The following PLAA variants were observed in gnomAD, a reference collection of about 807,000 sequenced individuals.
PLAA encodes phospholipase A-2-activating protein.
Under a neutral mutation model 84.1 loss-of-function variants are expected in PLAA, and 48 were observed. The observed-to-expected ratio is 0.57, with a 90% CI of 0.45 to 0.73. The LOEUF (loss-of-function observed/expected upper bound fraction) is 0.73, where lower values mean the gene tolerates loss of function less well. Ranked by LOEUF, PLAA falls within the 30% of genes least tolerant of loss-of-function variation. The pLI, the probability that PLAA is intolerant of heterozygous loss-of-function variation, is 0.00. For missense variants in PLAA, 903 were observed against 954.7 expected (o/e 0.95, Z 0.71); for synonymous variants, 392 against 336.6 (o/e 1.16, Z -1.80).
chr9:26,914,158 ATATAT>A (rs1259134106), intron 10 of PLAA, among the ~76,000 whole-genome samples: 17 of 152,206 alleles, frequency 1.1e-4, no homozygotes, highest in South Asian at 4.1e-4. Context: ...TACATGCCTT[ATATAT>A]TATAATTGTA....
At chr9:26,939,349 C>T (rs751343838) in intron 1 of PLAA, among the ~76,000 whole-genome samples, 10 of 151,922 alleles carry the variant, frequency 6.6e-5, no homozygotes, top group Non-Finnish European at 1.2e-4. Context: ...GATTGCGCCA[C>T]TGCACTCCAG....
intron 1 of PLAA, among the ~76,000 whole-genome samples, chr9:26,945,982 G>A (rs1825691761): frequency 6.6e-6 from 1 of 152,040 alleles, no homozygotes; most frequent in East Asian, 1.9e-4. Context: ...TTCCCCATCA[G>A]ACTGTAAGAA....
At chr9:26,939,543 A>AATG (rs1346956915) in intron 1 of PLAA, among the ~76,000 whole-genome samples, 1 of 151,730 alleles carries the variant, frequency 6.6e-6, no homozygotes, top group East Asian at 1.9e-4. Context: ...CAGACAGCAA[A>AATG]ATGGCATCGG....
intron 7 of PLAA, among the ~76,000 whole-genome samples, chr9:26,920,876 C>T (rs1824735877): frequency 6.6e-6 from 1 of 152,172 alleles, no homozygotes; most frequent in African/African-American, 2.4e-5. Context: ...AAGCCACCAT[C>T]ATTTCTCAGT....
chr9:26,920,162 A>G (rs1002366785), intron 8 of PLAA, 65 bp downstream of exon 8: 46 of 1,394,022 alleles, frequency 3.3e-5, no homozygotes, highest in Non-Finnish European at 3.3e-5. Flanking sequence ...ACTATGGGGC[A>G]AAGGAAACCT....
At chr9:26,924,876 T>G (rs963479567) in intron 6 of PLAA, among the ~76,000 whole-genome samples, 1 of 152,232 alleles carries the variant, frequency 6.6e-6, no homozygotes, top group African/African-American at 2.4e-5. Flanking sequence ...GCCTCAGTTC[T>G]TATACTAAGC....
At chr9:26,945,499 T>C (rs773639426) in intron 1 of PLAA, among the ~76,000 whole-genome samples, 1 of 152,210 alleles carries the variant, frequency 6.6e-6, no homozygotes, top group African/African-American at 2.4e-5. Flanking sequence ...AATACAGGAA[T>C]TTGCTCTATA....
At chr9:26,931,678 T>C (rs117474717) in intron 2 of PLAA, among the ~76,000 whole-genome samples, 2,294 of 152,072 alleles carry the variant, frequency 0.015, 20 homozygotes, top group Non-Finnish European at 0.022. Context: ...AAAACTGAGA[T>C]TGTGGGAAAT....
At chr9:26,906,626 T>C (rs1021974770) in intron 13 of PLAA, among the ~76,000 whole-genome samples, 2 of 151,948 alleles carry the variant, frequency 1.3e-5, no homozygotes, top group African/African-American at 4.8e-5. Flanking sequence ...CGAGGTTTCA[T>C]CATATTGGTC....
At chr9:26,941,169 A>C (rs201014811) in intron 1 of PLAA, among the ~76,000 whole-genome samples, 22 of 144,810 alleles carry the variant, frequency 1.5e-4, no homozygotes, top group African/African-American at 3.1e-4. Flanking sequence ...AAAAAAAAAC[A>C]AAAACAAAAC....
At chr9:26,925,290 G>A (rs112569021) in intron 6 of PLAA, among the ~76,000 whole-genome samples, 11,121 of 152,136 alleles carry the variant, frequency 0.073, 577 homozygotes, top group African/African-American at 0.15. Context: ...TTCAACCCCA[G>A]GCAATGAATC....
At chr9:26,920,931 A>G (rs1824738984) in intron 7 of PLAA, among the ~76,000 whole-genome samples, 1 of 152,086 alleles carries the variant, frequency 6.6e-6, no homozygotes, top group African/African-American at 2.4e-5. Flanking sequence ...GGCCCCCGAC[A>G]GTGTATATTC....
chr9:26,944,365 T>C (rs1825626154), intron 1 of PLAA, among the ~76,000 whole-genome samples: 1 of 152,176 alleles, frequency 6.6e-6, no homozygotes, highest in South Asian at 2.1e-4. Flanking sequence ...ACATGTATCA[T>C]GAAATAAAAA....
At chr9:26,928,078 A>C (rs1425707575) in intron 4 of PLAA, 22 bp downstream of exon 4, 1 of 1,582,770 alleles carries the variant, frequency 6.3e-7, no homozygotes, top group Admixed American at 2.0e-5. Flanking sequence ...GATATTATAA[A>C]ACTTGTCTAC....
At chr9:26,940,996 T>C (rs1173286450) in intron 1 of PLAA, among the ~76,000 whole-genome samples, 1 of 152,164 alleles carries the variant, frequency 6.6e-6, no homozygotes, top group Admixed American at 6.5e-5. Flanking sequence ...CTTCAAAGCA[T>C]AGATGTTTGT....
chr9:26,925,782 G>A (rs781471095), intron 6 of PLAA, 43 bp downstream of exon 6: 21 of 1,574,156 alleles, frequency 1.3e-5, no homozygotes, highest in Admixed American at 1.7e-5. Flanking sequence ...CCTACTGAAG[G>A]CCTAGACATA....
chr9:26,905,892 G>A lies in PLAA; in HGVS notation c.2007C>T (p.Gly669=), dbSNP rs755321902. 6.2e-7 allele frequency: 1 copy of A among 1,614,056 alleles called. No homozygotes were observed. Among genetic ancestry groups the A allele is most frequent in the Non-Finnish European group, 8.5e-7 (1 of 1,180,012 alleles). Residue 669 remains glycine (G), a synonymous_variant, in exon 14 of 14, where the codon GGC becomes GGT. Coordinates refer to ENST00000397292, the MANE Select transcript of PLAA (RefSeq NM_001031689.3). ...ACATCATGAGTTTTTGTCCTGCCTG[G>A]CCAACAAAACAATTGCAAAAAGTCC... ...ALRTFCNCFV[G]QAGQKLMMSQ...
intron 9 of PLAA, among the ~76,000 whole-genome samples, 154 bp from the exon 10 acceptor site, chr9:26,917,319 T>C (rs1044458129): frequency 1.3e-5 from 2 of 152,222 alleles, no homozygotes; most frequent in Middle Eastern, 3.2e-3. Flanking sequence ...GTCAGAAGTC[T>C]TATAACTGGG....
intron 1 of PLAA, among the ~76,000 whole-genome samples, chr9:26,935,424 A>C (rs1825328230): frequency 6.6e-6 from 1 of 152,228 alleles, no homozygotes; most frequent in Admixed American, 6.5e-5. Context: ...TGTTTCTTTG[A>C]TAAGAATACG....
Sources: gnomAD v4.1 joint callset for allele counts (sites outside exome capture counted in the v4.1 genomes callset) on GRCh38, gnomAD v4.1.1 for gene constraint, MANE v1.5 for transcripts, NCBI Gene and HGNC (gene_info 2026-07-23, HGNC 2026-07-21) for gene names.